DHRS4: variants seen among roughly 807,000 people sequenced by gnomAD.
The protein encoded by DHRS4 is dehydrogenase/reductase 4.
A neutral mutation model predicts 28.4 loss-of-function variants in DHRS4; 20 were observed. The ratio of observed to expected loss-of-function variants is 0.71; its 90% CI spans 0.50 to 1.02. The LOEUF is 1.02. DHRS4 is among the 50% of genes least tolerant of loss of function. The pLI, the probability that DHRS4 is intolerant of heterozygous loss-of-function variation, is 0.00. For synonymous variants in DHRS4, 144 were observed against 146.4 expected (o/e 0.98, Z 0.12); for missense variants, 378 against 367.2 (o/e 1.03, Z -0.24).
At chr14:23,968,680 T>G (rs945658019) in intron 7 of DHRS4, 77 bp from the exon 8 acceptor site, 172 of 1,567,348 alleles carry the variant, frequency 1.1e-4, no homozygotes, top group Non-Finnish European at 1.4e-4. Context: ...TTAAGCAAAT[T>G]TAACTCCCTG....
rs1206407601 is a variant in DHRS4 at position 23,959,935 on chromosome 14, G to A, written c.340G>A (p.Val114Ile). 4 of 1,611,510 alleles carry A rather than the reference G, an allele frequency of 2.5e-6. No individual in the cohort carries two copies. The highest frequency in any genetic ancestry group is 1.1e-5 in the South Asian group (1 of 91,076). ...VKLHGGIDIL[V>I]SNAAVNPFFG... ...GCTTCATGGAGGTATCGATATCCTAGTCTCCAATGCTGCTGTCAACCCTTT... is the reference window on the plus strand; with the variant it reads ...GCTTCATGGAGGTATCGATATCCTAATCTCCAATGCTGCTGTCAACCCTTT... The change falls in exon 3 of 8, where the codon GTC (valine) becomes ATC (isoleucine). Residue 114 changes from valine to isoleucine, a missense_variant. Coordinates refer to ENST00000313250, the MANE Select transcript of DHRS4 (RefSeq NM_021004.4).
At chr14:23,954,311 T>C (rs1157514704) in intron 1 of DHRS4, 1 of 177,892 alleles carries the variant, frequency 5.6e-6, no homozygotes, top group African/African-American at 2.4e-5. Flanking sequence ...AGACATTCTA[T>C]TTGGGCACCG....
At chr14:23,959,375 T>C (rs1358452798) in intron 2 of DHRS4, among the ~76,000 whole-genome samples, 1 of 152,108 alleles carries the variant, frequency 6.6e-6, no homozygotes, top group African/African-American at 2.4e-5. Flanking sequence ...CTGGGCAACA[T>C]GGCAAGACCC....
intron 6 of DHRS4, among the ~76,000 whole-genome samples, chr14:23,966,673 T>C (rs61999772): frequency 0.034 from 4,973 of 144,194 alleles, 1 homozygote; most frequent in African/African-American, 0.081. Flanking sequence ...TGGATGAGAA[T>C]TGGAGAGACG....
chr14:23,959,160 G>T (rs137860323), intron 2 of DHRS4, among the ~76,000 whole-genome samples: 5,318 of 152,240 alleles, frequency 0.035, 103 homozygotes, highest in Middle Eastern at 0.068. Context: ...ATAGATTTTG[G>T]GGTGAGACTT....
intron 2 of DHRS4, among the ~76,000 whole-genome samples, chr14:23,959,299 C>T (rs560540613): frequency 1.6e-4 from 24 of 152,218 alleles, no homozygotes; most frequent in Non-Finnish European, 2.6e-4. Context: ...CCTGGTGGGT[C>T]GCGCCTGTAA....
chr14:23,962,514 G>C (rs1367300594), intron 3 of DHRS4, among the ~76,000 whole-genome samples: 2 of 151,696 alleles, frequency 1.3e-5, no homozygotes, highest in Admixed American at 6.6e-5. Context: ...TTGCTTATCC[G>C]TAAGAACCAG....
intron 2 of DHRS4, among the ~76,000 whole-genome samples, chr14:23,956,958 G>C (rs796251535): frequency 2.0e-5 from 3 of 152,318 alleles, no homozygotes; most frequent in African/African-American, 7.2e-5. Context: ...CTCTTAAAAG[G>C]ATATGTTTAC....
chr14:23,960,609 C>T (rs1490383441), intron 3 of DHRS4, among the ~76,000 whole-genome samples: 1 of 151,700 alleles, frequency 6.6e-6, no homozygotes, highest in Non-Finnish European at 1.5e-5. Flanking sequence ...TGTATAATTA[C>T]ATTATATTCG....
At chr14:23,968,692 G>T (rs1393943852) in intron 7 of DHRS4, 65 bp from the exon 8 acceptor site, 1 of 1,579,034 alleles carries the variant, frequency 6.3e-7, no homozygotes, top group East Asian at 2.3e-5. Flanking sequence ...AACTCCCTGT[G>T]TCCCAGGTGA....
chr14:23,961,519 G>T (rs1426074244), intron 3 of DHRS4, among the ~76,000 whole-genome samples: 3 of 106,816 alleles, frequency 2.8e-5, no homozygotes, highest in African/African-American at 1.8e-4. Flanking sequence ...CTCTTGCTCT[G>T]TCTTTTTTCC....
intron 2 of DHRS4, among the ~76,000 whole-genome samples, chr14:23,955,817 T>C (rs1339805890): frequency 1.3e-5 from 2 of 152,222 alleles, no homozygotes; most frequent in Non-Finnish European, 2.9e-5. Flanking sequence ...TACTGGACTT[T>C]AGTCTCAAAG....
At chr14:23,966,476 GA>G (rs2033625212) in intron 6 of DHRS4, 59 bp downstream of exon 6, 1 of 1,604,104 alleles carries the variant, frequency 6.2e-7, no homozygotes, top group African/African-American at 1.3e-5. Context: ...CATCTTCTTG[GA>G]CAGGGAAGCC....
chr14:23,965,954 T>C lies in DHRS4; in HGVS notation c.502T>C (p.Ser168Pro). The C allele has an allele frequency of 1.2e-6, 2 of 1,610,090 alleles. No homozygotes were observed. Among genetic ancestry groups the C allele is most frequent in the Non-Finnish European group, 1.7e-6 (2 of 1,177,572 alleles). Residue 168 changes from serine to proline, a missense_variant, in exon 5 of 8, where the codon TCT (serine) becomes CCT (proline). By Grantham distance (74) the Ser-to-Pro change is moderately conservative. Transcript: ENST00000313250. ...KRGGGSVVIV[S>P]SIAAFSPSPG... ...CAGAGGCGGCTCAGTGGTGATCGTGTCTTCCATAGCAGCCTTCAGTCCATC... is the reference window on the plus strand; with the variant it reads ...CAGAGGCGGCTCAGTGGTGATCGTGCCTTCCATAGCAGCCTTCAGTCCATC...
At position 23,969,144 on chromosome 14, in the gene DHRS4, T is replaced by A; in HGVS notation, c.*273T>A. On this transcript the variant is annotated 3_prime_UTR_variant, in exon 8 of 8. Coordinates refer to ENST00000313250, the MANE Select transcript of DHRS4 (RefSeq NM_021004.4). Reference sequence around the variant, plus strand: ...TCTACCTTGGCAAAGACCAAGATATTTTTTCCCGGGCCACTGGGGAATCTG... The same window carrying A: ...TCTACCTTGGCAAAGACCAAGATATATTTTCCCGGGCCACTGGGGAATCTG... 2.1e-6 allele frequency: 1 copy of A among 476,924 alleles called. No homozygotes were observed. The highest frequency in any genetic ancestry group is 2.0e-5 in the African/African-American group (1 of 49,782). The allele number at this position is 476,924 out of a possible 1,614,324, so 29.5% of individuals were successfully genotyped here.
At chr14:23,961,486 CT>C (rs577714121) in intron 3 of DHRS4, among the ~76,000 whole-genome samples, 1 of 124,694 alleles carries the variant, frequency 8.0e-6, no homozygotes, top group South Asian at 2.4e-4. Context: ...AGTTTGGCTT[CT>C]TTCTTTCTTT....
intron 2 of DHRS4, among the ~76,000 whole-genome samples, chr14:23,956,081 GTAGACAGAA>G (rs1386853444): frequency 1.3e-5 from 2 of 152,226 alleles, no homozygotes; most frequent in Non-Finnish European, 2.9e-5. Flanking sequence ...CAGTAGTATG[GTAGACAGAA>G]TAGGGTAATT....
At chr14:23,954,903 A>C in intron 1 of DHRS4, 132 bp from the exon 2 acceptor site, 1 of 1,457,952 alleles carries the variant, frequency 6.9e-7, no homozygotes, top group Non-Finnish European at 9.2e-7. Context: ...TTTTACACAT[A>C]GTAGGCACAC....
intron 3 of DHRS4, among the ~76,000 whole-genome samples, chr14:23,964,240 A>C (rs865908022): frequency 7.4e-6 from 1 of 134,248 alleles, no homozygotes; most frequent in Admixed American, 7.2e-5. Context: ...AAAAAAAAAA[A>C]AAAAAAAAAA....
Sources: allele counts gnomAD v4.1 joint callset (sites outside exome capture counted in the v4.1 genomes callset), GRCh38; gene constraint gnomAD v4.1.1; transcripts MANE v1.5; gene names NCBI Gene and HGNC (gene_info 2026-07-23, HGNC 2026-07-21).